MSANTD7: variants seen among roughly 807,000 people sequenced by gnomAD.
MSANTD7 encodes Myb/SANT DNA binding domain containing 7.
chr10:14,838,366 A>G, the MSANTD7 span: 1 of 1,569,596 alleles, frequency 6.4e-7, no homozygotes. Context: ...CTGTTGGGGG[A>G]CCCCCTCATT....
chr10:14,839,838 C>A, the MSANTD7 span: 4 of 1,148,216 alleles, frequency 3.5e-6, no homozygotes, highest in East Asian at 2.5e-5. Flanking sequence ...CAAAGTAACA[C>A]TGGTGCACAA....
chr10:14,840,058 AT>A, the MSANTD7 span: 2,731 of 1,182,072 alleles, frequency 2.3e-3, 11 homozygotes, highest in East Asian at 0.039. Flanking sequence ...ATATATATAT[AT>A]TATTTTTTTT....
chr10:14,841,293 T>A, the MSANTD7 span: 3 of 152,208 alleles, frequency 2.0e-5, no homozygotes, highest in Non-Finnish European at 4.4e-5. Context: ...AAATATAAGT[T>A]GGTGTCAAAT....
the MSANTD7 span, chr10:14,842,410 C>CT: frequency 6.5e-7 from 1 of 1,536,186 alleles, no homozygotes; most frequent in Non-Finnish European, 8.7e-7. The surrounding 1 kb of genome is among the most constrained non-coding windows in gnomAD (Gnocchi z 5.2). Context: ...ATGCAGATGT[C>CT]TATCAGGCTG....
At chr10:14,839,366 G>A in the MSANTD7 span, among the ~76,000 whole-genome samples, 1 of 152,174 alleles carries the variant, frequency 6.6e-6, no homozygotes, top group Admixed American at 6.5e-5. Context: ...GTGAGGTTAG[G>A]AGTTCTAGAC....
chr10:14,840,256 C>T, the MSANTD7 span: 1 of 522,802 alleles, frequency 1.9e-6, no homozygotes, highest in South Asian at 5.2e-5. Context: ...TAGTTTGTTT[C>T]TTCATTGCTT....
At chr10:14,839,983 G>A in the MSANTD7 span, 9 of 1,609,840 alleles carry the variant, frequency 5.6e-6, no homozygotes, top group Non-Finnish European at 7.6e-6. Flanking sequence ...AGAAAATGAA[G>A]AGGTACTAGT....
chr10:14,839,606 AG>A, the MSANTD7 span, among the ~76,000 whole-genome samples: 7 of 152,008 alleles, frequency 4.6e-5, no homozygotes, highest in Non-Finnish European at 8.8e-5. Flanking sequence ...AATGGTAAGA[AG>A]GAAGAGAGGT....
the MSANTD7 span, chr10:14,843,486 C>G: frequency 2.6e-6 from 4 of 1,550,648 alleles, no homozygotes; most frequent in South Asian, 2.4e-5. Flanking sequence ...AGCCCAGCCC[C>G]TGCACCAGCA....
At chr10:14,839,597 A>G in the MSANTD7 span, among the ~76,000 whole-genome samples, 3 of 152,136 alleles carry the variant, frequency 2.0e-5, no homozygotes, top group Admixed American at 2.0e-4. Flanking sequence ...AGAAATGGTA[A>G]TGGTAAGAAG....
chr10:14,842,056 C>A, the MSANTD7 span: 1 of 1,053,598 alleles, frequency 9.5e-7, no homozygotes, highest in Non-Finnish European at 1.4e-6. This position sits in a 1 kb window ranked among gnomAD's most constrained non-coding sequence, Gnocchi z 5.2. Context: ...GACCTACTCA[C>A]AGGTAGCACC....
the MSANTD7 span, among the ~76,000 whole-genome samples, chr10:14,840,941 G>C: frequency 1.3e-5 from 2 of 152,098 alleles, no homozygotes; most frequent in African/African-American, 4.8e-5. Context: ...ATTATCCTAG[G>C]GGGTAAACTG....
the MSANTD7 span, chr10:14,843,928 G>C: frequency 6.5e-7 from 1 of 1,533,252 alleles, no homozygotes; most frequent in Non-Finnish European, 8.7e-7. Context: ...TTCCTAAACT[G>C]GTAGAAGTCT....
At chr10:14,840,397 G>A in the MSANTD7 span, among the ~76,000 whole-genome samples, 10 of 152,224 alleles carry the variant, frequency 6.6e-5, no homozygotes, top group Admixed American at 2.6e-4. Context: ...GGTAATTTGC[G>A]TCAGAGGTGG....
At chr10:14,838,560 G>A in the MSANTD7 span, 1 of 1,210,296 alleles carries the variant, frequency 8.3e-7, no homozygotes, top group Non-Finnish European at 1.1e-6. Context: ...CCGGCCTAGG[G>A]ATGTCGTGGA....
At chr10:14,842,463 G>A in the MSANTD7 span, 8 of 1,536,014 alleles carry the variant, frequency 5.2e-6, no homozygotes, top group Middle Eastern at 1.7e-4. This position sits in a 1 kb window ranked among gnomAD's most constrained non-coding sequence, Gnocchi z 5.2. Flanking sequence ...CGCACCGAAC[G>A]TCAGTGCCGC....
chr10:14,845,407 G>A, the MSANTD7 span: 2 of 985,332 alleles, frequency 2.0e-6, no homozygotes, highest in Non-Finnish European at 2.4e-6. Flanking sequence ...TGGAGAAATG[G>A]TCAGAGCAGC....
the MSANTD7 span, chr10:14,842,853 C>G: frequency 6.6e-7 from 1 of 1,516,348 alleles, no homozygotes; most frequent in Non-Finnish European, 8.8e-7. The surrounding 1 kb of genome is among the most constrained non-coding windows in gnomAD (Gnocchi z 5.2). Context: ...GCAGGTAACT[C>G]CCAAGCATGT....
the MSANTD7 span, chr10:14,843,594 T>C: frequency 6.4e-7 from 1 of 1,550,568 alleles, no homozygotes; most frequent in Non-Finnish European, 8.7e-7. Context: ...CCTTGACCAG[T>C]GAGCCCCCTC....
Sources: allele counts gnomAD v4.1 joint callset (sites outside exome capture counted in the v4.1 genomes callset), GRCh38; gene constraint gnomAD v4.1.1; non-coding constraint Gnocchi (gnomAD v3.1); transcripts MANE v1.5; gene names NCBI Gene and HGNC (gene_info 2026-07-23, HGNC 2026-07-21).